Variants in RBFOX1 observed in about 807,000 individuals in gnomAD.
RBFOX1 encodes the protein RNA binding fox-1 homolog 1.
Under a neutral mutation model 57.7 loss-of-function variants are expected in RBFOX1, and 8 were observed. The ratio of observed to expected loss-of-function variants is 0.14; its 90% confidence interval spans 0.08 to 0.25. RBFOX1 has a LOEUF of 0.25. Among genes scored for constraint, RBFOX1 ranks in the 10% least tolerant of loss-of-function variants. RBFOX1 has a pLI of 1.00. For missense variants in RBFOX1, 611 were observed against 548.5 expected, an observed-to-expected ratio of 1.11 and a Z score of -1.14; for synonymous variants, 326 against 222.4, an observed-to-expected ratio of 1.47 and a Z score of -4.15.
intron 4 of RBFOX1, among the ~76,000 whole-genome samples, chr16:7,211,391 C>CAAAAAAAAAA (rs57333413): frequency 6.4e-4 from 54 of 83,936 alleles, no homozygotes; most frequent in Non-Finnish European, 1.1e-3. Context: ...GACTGCCTCT[C>CAAAAAAAAAA]AAAAAAAAAA....
At chr16:6,368,259 G>T (rs1260704593) in intron 2 of RBFOX1, among the ~76,000 whole-genome samples, 1 of 152,120 alleles carries the variant, frequency 6.6e-6, no homozygotes, top group East Asian at 1.9e-4. Context: ...CTTAATCCAG[G>T]CTTTCCAGAA....
intron 2 of RBFOX1, among the ~76,000 whole-genome samples, chr16:6,340,899 A>G (rs2084469582): frequency 6.6e-6 from 1 of 152,060 alleles, no homozygotes; most frequent in African/African-American, 2.4e-5. Context: ...CATTCAAAGG[A>G]GAGGTAACAG....
chr16:5,481,038 C>G (rs1193718477), intron 2 of RBFOX1, among the ~76,000 whole-genome samples: 2 of 152,208 alleles, frequency 1.3e-5, no homozygotes, highest in African/African-American at 2.4e-5. Flanking sequence ...ATGTGAATGC[C>G]TGTTATCCCA....
At chr16:5,948,649 T>A (rs1035249599) in intron 4 of RBFOX1, among the ~76,000 whole-genome samples, 13 of 152,328 alleles carry the variant, frequency 8.5e-5, no homozygotes, top group Middle Eastern at 3.4e-3. Flanking sequence ...ATTCAAGGAA[T>A]GCTGCAGATT....
intron 2 of RBFOX1, among the ~76,000 whole-genome samples, chr16:5,470,605 C>T (rs1024249591): frequency 6.6e-6 from 1 of 152,130 alleles, no homozygotes; most frequent in Non-Finnish European, 1.5e-5. Context: ...TATGATAACC[C>T]ATCAGCCTAA....
intron 1 of RBFOX1, among the ~76,000 whole-genome samples, chr16:5,322,848 G>C (rs555117664): frequency 6.6e-6 from 1 of 152,322 alleles, no homozygotes. Context: ...GCACTTAGCA[G>C]AGCAGTAATC....
chr16:6,613,751 A>G (rs547526030), intron 2 of RBFOX1, among the ~76,000 whole-genome samples: 5 of 152,352 alleles, frequency 3.3e-5, no homozygotes, highest in African/African-American at 1.2e-4. Flanking sequence ...GGCCTGGCCA[A>G]CATGGCGAAA....
At chr16:7,596,847 A>G (rs1436831298) in intron 8 of RBFOX1, among the ~76,000 whole-genome samples, 1 of 152,146 alleles carries the variant, frequency 6.6e-6, no homozygotes, top group Non-Finnish European at 1.5e-5. Context: ...CTTGCGATGT[A>G]AAAGGCTCTT....
At chr16:7,173,143 CTTA>C (rs2081031565) in intron 4 of RBFOX1, among the ~76,000 whole-genome samples, 1 of 152,134 alleles carries the variant, frequency 6.6e-6, no homozygotes, top group African/African-American at 2.4e-5. Context: ...TTCATAAAAT[CTTA>C]TTTTCTTGAC....
chr16:6,912,192 C>T (rs965559513), intron 3 of RBFOX1, among the ~76,000 whole-genome samples: 1 of 152,122 alleles, frequency 6.6e-6, no homozygotes, highest in African/African-American at 2.4e-5. Flanking sequence ...AACTTAAATT[C>T]CCACGTGGAG....
intron 3 of RBFOX1, among the ~76,000 whole-genome samples, chr16:5,818,743 T>C (rs1233321323): frequency 6.6e-6 from 1 of 152,186 alleles, no homozygotes; most frequent in Non-Finnish European, 1.5e-5. Context: ...ATTAGGAGTG[T>C]TGCTGGTTAC....
chr16:7,708,955 G>A, intron 14 of RBFOX1, 101 bp from the exon 15 acceptor site: 3 of 1,052,722 alleles, frequency 2.8e-6, no homozygotes, highest in Non-Finnish European at 4.4e-6. Flanking sequence ...TGGAAGATGA[G>A]TAGGGCCCCT....
chr16:7,076,244 G>A (rs920700492), intron 4 of RBFOX1, among the ~76,000 whole-genome samples: 5 of 151,524 alleles, frequency 3.3e-5, no homozygotes, highest in African/African-American at 1.2e-4. Flanking sequence ...ATGTTGGCCA[G>A]GATGGTCTTG....
intron 2 of RBFOX1, among the ~76,000 whole-genome samples, chr16:6,382,115 T>A (rs1377074889): frequency 6.6e-6 from 1 of 152,240 alleles, no homozygotes; most frequent in Non-Finnish European, 1.5e-5. Flanking sequence ...AATACTTTAT[T>A]TATGGATGCA....
At chr16:5,943,060 T>G (rs1409580555) in intron 4 of RBFOX1, among the ~76,000 whole-genome samples, 1 of 152,168 alleles carries the variant, frequency 6.6e-6, no homozygotes, top group Non-Finnish European at 1.5e-5. Context: ...CTCAAGCCTT[T>G]GTTCCTATTC....
At chr16:5,568,562 T>A (rs62016861) in intron 2 of RBFOX1, among the ~76,000 whole-genome samples, 1,881 of 152,250 alleles carry the variant, frequency 0.012, 26 homozygotes, top group Non-Finnish European at 0.02. Context: ...AGCTAGGCAC[T>A]CAGGGATGTG....
chr16:5,707,072 A>G (rs2051278989), intron 3 of RBFOX1, among the ~76,000 whole-genome samples: 2 of 152,114 alleles, frequency 1.3e-5, no homozygotes, highest in African/African-American at 4.8e-5. Context: ...TCCAGACACA[A>G]ACACATGAGA....
chr16:7,400,112 C>A lies in RBFOX1; in HGVS notation c.28-118035C>A, dbSNP rs551824946. On this transcript the variant is annotated intron_variant, in intron 4 of 15. Transcript: ENST00000550418. ...CTTAGTCACCCAACTAAGAAAGTGG[C>A]ACAGTTGGTATCCTAATCCGGAATT... is the stretch of plus-strand genomic sequence containing the variant. 2.0e-5 allele frequency among the ~76,000 whole-genome samples: 3 copies of A among 152,230 alleles called. No homozygotes were observed. The East Asian group carries it at 5.8e-4, about 29-fold the overall frequency.
At chr16:7,565,052 G>A (rs1349938446) in intron 5 of RBFOX1, among the ~76,000 whole-genome samples, 12 of 152,286 alleles carry the variant, frequency 7.9e-5, no homozygotes, top group African/African-American at 2.6e-4. Flanking sequence ...GAGCTCAAAT[G>A]AAAAAGCAGG....
Sources: allele counts gnomAD v4.1 joint callset (sites outside exome capture counted in the v4.1 genomes callset), GRCh38; gene constraint gnomAD v4.1.1; transcripts MANE v1.5; gene names NCBI Gene and HGNC (gene_info 2026-07-23, HGNC 2026-07-21).